Variants in ULK4 observed in about 807,000 individuals in gnomAD.
ULK4 encodes the protein inactive serine/threonine-protein kinase ULK4.
ULK4 carries 133 observed loss-of-function variants against 160.6 expected under a neutral mutation model. The ratio of observed to expected loss-of-function variants is 0.83; its 90% CI spans 0.72 to 0.96. ULK4 has a LOEUF of 0.96. Ranked by LOEUF, ULK4 falls within the 40% of genes least tolerant of loss-of-function variation. ULK4 has a pLI of 0.00. For synonymous variants in ULK4, 534 were observed against 539.8 expected, an observed-to-expected ratio of 0.99 and a Z score of 0.15; for missense variants, 1,580 against 1,499.5, an observed-to-expected ratio of 1.05 and a Z score of -0.89.
At chr3:41,421,907 G>A (rs1441150180) in intron 34 of ULK4, among the ~76,000 whole-genome samples, 2 of 152,070 alleles carry the variant, frequency 1.3e-5, no homozygotes, top group East Asian at 3.8e-4. Flanking sequence ...TAAAGATCTT[G>A]TAGATGCAAA....
At chr3:41,260,194 C>T (rs539486150) in intron 35 of ULK4, 2 of 152,296 alleles carry the variant, frequency 1.3e-5, no homozygotes, top group East Asian at 3.9e-4. Flanking sequence ...CTCATAGAGA[C>T]AGGCCACCCT....
intron 21 of ULK4, among the ~76,000 whole-genome samples, chr3:41,755,294 T>C (rs1285209073): frequency 6.6e-6 from 1 of 152,178 alleles, no homozygotes; most frequent in Non-Finnish European, 1.5e-5. Context: ...CATTTTTTTT[T>C]GGCCACACTC....
intron 30 of ULK4, among the ~76,000 whole-genome samples, chr3:41,648,721 G>T (rs2034612453): frequency 6.6e-6 from 1 of 152,166 alleles, no homozygotes; most frequent in African/African-American, 2.4e-5. Context: ...GGAATGTTGA[G>T]GGAGGAGGGT....
chr3:41,306,526 G>A (rs1259781355), intron 35 of ULK4, among the ~76,000 whole-genome samples: 2 of 149,438 alleles, frequency 1.3e-5, no homozygotes, highest in Non-Finnish European at 3.0e-5. Flanking sequence ...GGGAGGTGGG[G>A]GGGTCAGCCC....
intron 29 of ULK4, among the ~76,000 whole-genome samples, chr3:41,671,348 A>C (rs1275274651): frequency 6.6e-6 from 1 of 152,176 alleles, no homozygotes; most frequent in Non-Finnish European, 1.5e-5. Context: ...ATATATTACA[A>C]AGTTATAGTA....
At chr3:41,400,168 C>T (rs1423936232) in intron 34 of ULK4, among the ~76,000 whole-genome samples, 1 of 152,136 alleles carries the variant, frequency 6.6e-6, no homozygotes, top group African/African-American at 2.4e-5. Context: ...TACAATATCA[C>T]AGCTAGAACC....
chr3:41,764,243 AAAAC>A (rs1232150338), intron 21 of ULK4, among the ~76,000 whole-genome samples: 1 of 152,238 alleles, frequency 6.6e-6, no homozygotes, highest in African/African-American at 2.4e-5. Flanking sequence ...ACTTTATATT[AAAAC>A]AAACATTTTG....
intron 13 of ULK4, chr3:41,899,276 C>T (rs1698271448): frequency 1.3e-5 from 2 of 152,306 alleles, no homozygotes; most frequent in Admixed American, 6.5e-5. Flanking sequence ...TTTTAATTCC[C>T]AGGTTTTGCT....
intron 35 of ULK4, among the ~76,000 whole-genome samples, chr3:41,344,397 C>G (rs1387806641): frequency 6.6e-6 from 1 of 152,122 alleles, no homozygotes; most frequent in African/African-American, 2.4e-5. Context: ...CTAGGCAATA[C>G]TATCTGGACA....
intron 34 of ULK4, among the ~76,000 whole-genome samples, chr3:41,441,140 G>T (rs1028414585): frequency 1.3e-5 from 2 of 151,856 alleles, no homozygotes; most frequent in Non-Finnish European, 2.9e-5. Context: ...CCTTATTTTT[G>T]ATTTGATTTC....
intron 16 of ULK4, among the ~76,000 whole-genome samples, chr3:41,894,163 G>A (rs1450859897): frequency 6.6e-6 from 1 of 152,188 alleles, no homozygotes; most frequent in East Asian, 1.9e-4. Flanking sequence ...GATCTGGAAT[G>A]TCTGTTTTAA....
chr3:41,736,674 T>C (rs2038061867), intron 22 of ULK4, among the ~76,000 whole-genome samples: 1 of 151,314 alleles, frequency 6.6e-6, no homozygotes, highest in Admixed American at 6.6e-5. Flanking sequence ...TTTCTTTTGC[T>C]GTGCAGAAGC....
At chr3:41,742,498 G>T (rs1052415616) in intron 22 of ULK4, among the ~76,000 whole-genome samples, 1 of 151,896 alleles carries the variant, frequency 6.6e-6, no homozygotes, top group Non-Finnish European at 1.5e-5. Context: ...CCTCCACTCA[G>T]CAACATTAAG....
chr3:41,942,678 A>G (rs1044748712), intron 2 of ULK4, among the ~76,000 whole-genome samples: 3 of 152,112 alleles, frequency 2.0e-5, no homozygotes, highest in Non-Finnish European at 4.4e-5. Flanking sequence ...TTAGCTGGGC[A>G]TGGAGGCGCA....
At chr3:41,431,366 A>ATAATAT (rs1190561893) in intron 34 of ULK4, among the ~76,000 whole-genome samples, 4 of 142,768 alleles carry the variant, frequency 2.8e-5, no homozygotes, top group Non-Finnish European at 6.0e-5. Context: ...AATAATAATA[A>ATAATAT]TAATAATAAT....
intron 27 of ULK4, among the ~76,000 whole-genome samples, chr3:41,690,752 T>C (rs935324312): frequency 2.6e-5 from 4 of 151,904 alleles, no homozygotes; most frequent in Non-Finnish European, 4.4e-5. Flanking sequence ...CATGGCCTCA[T>C]AGTTATAGAA....
At chr3:41,925,542 C>T (rs1166350472) in intron 5 of ULK4, among the ~76,000 whole-genome samples, 1 of 152,110 alleles carries the variant, frequency 6.6e-6, no homozygotes, top group East Asian at 1.9e-4. Context: ...CCTGGAAGGC[C>T]AGAGAGACAG....
chr3:41,661,301 GA>G (rs1009567674), intron 30 of ULK4, among the ~76,000 whole-genome samples: 12 of 151,930 alleles, frequency 7.9e-5, no homozygotes, highest in Non-Finnish European at 1.6e-4. Context: ...TTTGATAAGT[GA>G]AAAAGCAAAC....
chr3:41,333,254 C>A (rs1325456261), intron 35 of ULK4, among the ~76,000 whole-genome samples: 1 of 152,224 alleles, frequency 6.6e-6, no homozygotes, highest in African/African-American at 2.4e-5. Flanking sequence ...AATGTTATGA[C>A]AGCAAAGCCC....
Sources: allele counts gnomAD v4.1 joint callset (sites outside exome capture counted in the v4.1 genomes callset), GRCh38; gene constraint gnomAD v4.1.1; transcripts MANE v1.5; gene names NCBI Gene and HGNC (gene_info 2026-07-23, HGNC 2026-07-21).